CYREN: variants seen among roughly 807,000 people sequenced by gnomAD.
The protein encoded by CYREN is cell cycle regulator of NHEJ.
In CYREN, 7 loss-of-function variants were observed where a neutral mutation model predicts 9.7. That is an observed-to-expected ratio of 0.72 (90% confidence interval 0.41 to 1.36). The LOEUF (loss-of-function observed/expected upper bound fraction) is 1.36, where lower values mean the gene tolerates loss of function less well. Ranked by LOEUF, CYREN falls within the 40% of genes most tolerant of loss-of-function variation. The pLI is 0.01. For synonymous variants in CYREN, 76 were observed against 77.9 expected (o/e 0.98, Z 0.13); for missense variants, 215 against 198.1 (o/e 1.09, Z -0.51).
chr7:135,115,231 ATTTG>A (rs1826159081), intron 2 of CYREN: 1 of 537,428 alleles, frequency 1.9e-6, no homozygotes, highest in Admixed American at 3.4e-5. Context: ...TATATATTTT[ATTTG>A]TTTATTTTCT....
intron 2 of CYREN, chr7:135,129,709 A>G (rs1199459531): frequency 2.6e-6 from 2 of 755,896 alleles, no homozygotes; most frequent in African/African-American, 3.4e-5. Flanking sequence ...ACTGCTCAAG[A>G]TATGGAAGTG....
At chr7:135,164,890 G>C (rs755249689), downstream of CYREN, 13 of 1,614,110 alleles carry the variant, frequency 8.1e-6, no homozygotes, top group Non-Finnish European at 1.0e-5. Context: ...CCGGGGCCTG[G>C]GTTTCTAGCT....
At chr7:135,157,188 G>A (rs1234581413) in intron 2 of CYREN, among the ~76,000 whole-genome samples, 1 of 152,184 alleles carries the variant, frequency 6.6e-6, no homozygotes, top group Non-Finnish European at 1.5e-5. Flanking sequence ...TTTGCGTCTG[G>A]TGTAGCAGTT....
intron 2 of CYREN, among the ~76,000 whole-genome samples, chr7:135,096,771 G>GAAAGAAAGAA (rs1563260822): frequency 6.7e-6 from 1 of 148,466 alleles, no homozygotes; most frequent in Non-Finnish European, 1.5e-5. Flanking sequence ...AAGAAAGAAA[G>GAAAGAAAGAA]AAAGAAAGAA....
At chr7:135,137,037 C>CTCCA (rs2117385617) in intron 2 of CYREN, among the ~76,000 whole-genome samples, 1 of 152,172 alleles carries the variant, frequency 6.6e-6, no homozygotes, top group Non-Finnish European at 1.5e-5. Context: ...CCAGCATCTC[C>CTCCA]TCCACCTGGC....
At chr7:135,118,250 C>A (rs1362340712) in intron 2 of CYREN, among the ~76,000 whole-genome samples, 1 of 152,216 alleles carries the variant, frequency 6.6e-6, no homozygotes, top group Non-Finnish European at 1.5e-5. Context: ...TCTGTACCTT[C>A]ATGCTCAGGC....
At chr7:135,170,976 C>T (rs113709760), upstream of CYREN, among the ~76,000 whole-genome samples, 249 of 152,336 alleles carry the variant, frequency 1.6e-3, 4 homozygotes, top group African/African-American at 5.4e-3. Flanking sequence ...AATTCTTGGC[C>T]CCTGAAGTTA....
chr7:135,108,678 A>C (rs1825145166), intron 2 of CYREN, among the ~76,000 whole-genome samples: 1 of 152,112 alleles, frequency 6.6e-6, no homozygotes, highest in Non-Finnish European at 1.5e-5. Context: ...TGTCTTGGGA[A>C]TGATCTTCTT....
intron 2 of CYREN, chr7:135,168,288 A>ACCACCACCCCCCCC (rs1830347638): frequency 1.6e-4 from 1 of 6,244 alleles, no homozygotes; most frequent in Non-Finnish European, 4.5e-4. Flanking sequence ...CTGGAGACTC[A>ACCACCACCCCCCCC]CCACCCCCCC....
At chr7:135,164,546 G>A (rs1830034393), downstream of CYREN, 16 of 1,614,190 alleles carry the variant, frequency 9.9e-6, no homozygotes, top group Non-Finnish European at 1.3e-5. Flanking sequence ...TTCTCTGGGA[G>A]GCTGGCAACC....
chr7:135,105,321 C>T (rs1310948255), intron 2 of CYREN, among the ~76,000 whole-genome samples: 4 of 123,432 alleles, frequency 3.2e-5, no homozygotes, highest in African/African-American at 8.1e-5. Context: ...CCGCCTGCCT[C>T]GGTCTCCCAA....
Position 135,166,399 on chromosome 7 carries a change from G to C in CYREN, c.*212C>G, listed in dbSNP as rs1830135128. 3.3e-6 allele frequency: 2 copies of C among 615,134 alleles called. No individual in the cohort carries two copies. The highest frequency in any genetic ancestry group is 4.4e-4 in the Middle Eastern group (1 of 2,280). The allele number at this position is 615,134 out of a possible 1,614,324, so 38.1% of individuals were successfully genotyped here. ...AGGGAGTCAAATGGGATCTCATTTT[G>C]AGTCCTGCCTTCCGCACACTCAGAA... On this transcript the variant is annotated 3_prime_UTR_variant, in exon 4 of 4. Coordinates refer to ENST00000393114, the MANE Select transcript of CYREN (RefSeq NM_024033.4).
chr7:135,107,685 T>C (rs1420315521), intron 2 of CYREN, among the ~76,000 whole-genome samples: 2 of 152,234 alleles, frequency 1.3e-5, no homozygotes, highest in Non-Finnish European at 2.9e-5. Flanking sequence ...GAAGAATGTA[T>C]ATTCTGTTGA....
chr7:135,136,941 T>C (rs145013471), intron 2 of CYREN, among the ~76,000 whole-genome samples: 1 of 152,198 alleles, frequency 6.6e-6, no homozygotes, highest in East Asian at 1.9e-4. Context: ...AGTAAGAGGA[T>C]TGGCAGTCCA....
At chr7:135,129,067 A>C (rs1023189355) in intron 2 of CYREN, 2 of 1,608,426 alleles carry the variant, frequency 1.2e-6, no homozygotes, top group African/African-American at 2.7e-5. Context: ...AACTGCCCAG[A>C]ACCAAAGTGC....
downstream of CYREN, chr7:135,165,231 A>C: frequency 2.0e-6 from 1 of 492,764 alleles, no homozygotes; most frequent in Non-Finnish European, 3.7e-6. Context: ...GCTCCCAAAG[A>C]CTCCCTAAAC....
intron 2 of CYREN, among the ~76,000 whole-genome samples, chr7:135,119,313 T>A (rs577181271): frequency 6.6e-6 from 1 of 151,900 alleles, no homozygotes; most frequent in South Asian, 2.1e-4. Flanking sequence ...CACTGAAACC[T>A]CCGCCTCCTG....
At chr7:135,141,791 T>C (rs1231192190) in intron 2 of CYREN, among the ~76,000 whole-genome samples, 1 of 152,190 alleles carries the variant, frequency 6.6e-6, no homozygotes, top group African/African-American at 2.4e-5. Flanking sequence ...ATTTCTGCCT[T>C]AATTTCATTG....
intron 2 of CYREN, among the ~76,000 whole-genome samples, chr7:135,108,273 T>C (rs1825067296): frequency 6.6e-6 from 1 of 152,206 alleles, no homozygotes; most frequent in African/African-American, 2.4e-5. Context: ...TAGCTGTTTA[T>C]TATGCTGGCT....
Sources: gnomAD v4.1 joint callset for allele counts (sites outside exome capture counted in the v4.1 genomes callset) on GRCh38, gnomAD v4.1.1 for gene constraint, MANE v1.5 for transcripts, NCBI Gene and HGNC (gene_info 2026-07-23, HGNC 2026-07-21) for gene names.